The following KRT8 variants were observed in gnomAD, a reference collection of about 807,000 sequenced individuals.
KRT8 encodes keratin, type II cytoskeletal 8.
Under a neutral mutation model 43.0 loss-of-function variants are expected in KRT8, and 24 were observed. That is an observed-to-expected ratio of 0.56 (90% CI 0.40 to 0.78). KRT8 has a LOEUF of 0.78. Among genes scored for constraint, KRT8 ranks in the 30% least tolerant of loss-of-function variants. The pLI is 0.00. For missense variants in KRT8, 492 were observed against 638.4 expected, an observed-to-expected ratio of 0.77 and a Z score of 2.47; for synonymous variants, 214 against 261.2, an observed-to-expected ratio of 0.82 and a Z score of 1.74.
At chr12:52,901,219 C>G in exon 3 of KRT8, 1 of 1,607,152 alleles carries the variant, frequency 6.2e-7, no homozygotes, top group Non-Finnish European at 8.5e-7. Context: ...CATCCTCATA[C>G]CTGTGAGGAA....
rs1174152176 is a variant in KRT8, at chr12:52,918,204, A to AGAAGAAGAAGAG, written c.-46-13178_-46-13177insCTCTTCTTCTTC. ...AGGAAGAAGAAGAAGAAGAAGAAGA[A>AGAAGAAGAAGAG]CAAGAAGAAGAAGAAGAAGAAGAAG... On this transcript the variant is annotated intron_variant, in intron 2 of 6. Transcript: ENST00000546826. 1.0e-4 allele frequency among the ~76,000 whole-genome samples: 12 copies of AGAAGAAGAAGAG among 116,924 alleles called. 1 individual carries two copies. In the South Asian group the frequency reaches 1.8e-3, roughly 18 times the overall value. The allele number at this position is 116,924 out of a possible 152,430, so 76.7% of individuals were successfully genotyped here.
chr12:52,904,890 G>A (rs1413919473), exon 1 of KRT8: 3 of 1,612,752 alleles, frequency 1.9e-6, no homozygotes, highest in East Asian at 4.5e-5. Context: ...GCTGATGCGG[G>A]AACCGGGCCC....
intron 2 of KRT8, among the ~76,000 whole-genome samples, chr12:52,940,093 T>A (rs1287242789): frequency 6.6e-6 from 1 of 151,742 alleles, no homozygotes; most frequent in African/African-American, 2.4e-5. Context: ...ATAACATAGA[T>A]GAATCACAGA....
chr12:52,914,528 A>T (rs1482991378), intron 2 of KRT8, among the ~76,000 whole-genome samples: 1 of 152,040 alleles, frequency 6.6e-6, no homozygotes, highest in Admixed American at 6.6e-5. Flanking sequence ...CAACAGTGAA[A>T]CTCCGTCTCA....
rs536631581 is a variant in KRT8, at chr12:52,938,077, T to G, written c.-47+11379A>C. Reference sequence around the variant, plus strand: ...CACATGAAAAGATGCCCAATATCATTAGTCATTAGGAAAATACACATTAAA... The same window carrying G: ...CACATGAAAAGATGCCCAATATCATGAGTCATTAGGAAAATACACATTAAA... On this transcript the variant is annotated intron_variant, in intron 2 of 6. Coordinates refer to the KRT8 transcript ENST00000546826. 1.7e-4 allele frequency among the ~76,000 whole-genome samples: 23 copies of G among 137,850 alleles called. No homozygotes were observed. In the South Asian group the frequency reaches 5.2e-3, roughly 31 times the overall value. 90.4% of individuals were successfully genotyped at this position (137,850 alleles called of 152,430 possible).
At chr12:52,904,848 TTGC>T in exon 1 of KRT8, 1 of 1,612,656 alleles carries the variant, frequency 6.2e-7, no homozygotes. Flanking sequence ...ACCGCGAAAG[TTGC>T]TGCTGCCCAC....
chr12:52,899,748 C>A (rs924159344), intron 5 of KRT8, 27 bp downstream of exon 5: 1 of 1,601,178 alleles, frequency 6.2e-7, no homozygotes, highest in Non-Finnish European at 8.5e-7. Context: ...TCCAAGGAAC[C>A]CCTCCCACCC....
chr12:52,933,135 G>A (rs1211055351), intron 2 of KRT8, among the ~76,000 whole-genome samples: 3 of 151,944 alleles, frequency 2.0e-5, no homozygotes, highest in African/African-American at 4.8e-5. Flanking sequence ...CAGTAGAGAC[G>A]GGGTTTCACC....
intron 3 of KRT8, 112 bp from the exon 4 acceptor site, chr12:52,900,795 T>G: frequency 1.3e-6 from 1 of 750,660 alleles, no homozygotes; most frequent in South Asian, 1.4e-5. Context: ...GTTGCCCACT[T>G]TGTGGATTGA....
At chr12:52,920,111 T>C (rs1326676576) in intron 2 of KRT8, among the ~76,000 whole-genome samples, 2 of 152,232 alleles carry the variant, frequency 1.3e-5, no homozygotes, top group Admixed American at 6.5e-5. Context: ...TTATGCTGTT[T>C]TATAGTCAGG....
chr12:52,922,035 T>C (rs77846788), intron 2 of KRT8, among the ~76,000 whole-genome samples: 3,574 of 151,576 alleles, frequency 0.024, 73 homozygotes, highest in Admixed American at 0.051. Flanking sequence ...GTTCTAATTA[T>C]CCAGGCAGAG....
intron 2 of KRT8, among the ~76,000 whole-genome samples, chr12:52,932,323 G>A (rs140653116): frequency 0.016 from 2,505 of 151,878 alleles, 62 homozygotes; most frequent in African/African-American, 0.055. Context: ...TCCTGACCTC[G>A]TGATCCACCC....
At chr12:52,926,129 G>A (rs1941985114) in intron 2 of KRT8, among the ~76,000 whole-genome samples, 1 of 151,816 alleles carries the variant, frequency 6.6e-6, no homozygotes, top group South Asian at 2.1e-4. Context: ...CTGTCCCTCT[G>A]CCTGGTGTGT....
chr12:52,909,779 A>G (rs1941595394), upstream of KRT8, among the ~76,000 whole-genome samples: 1 of 152,218 alleles, frequency 6.6e-6, no homozygotes, highest in Non-Finnish European at 1.5e-5. Flanking sequence ...TTACGCACTG[A>G]AGATGAAAAT....
chr12:52,946,022 G>A (rs115025860), intron 2 of KRT8, among the ~76,000 whole-genome samples: 1,905 of 152,264 alleles, frequency 0.013, 39 homozygotes, highest in African/African-American at 0.044. Context: ...GGCTGGTGCT[G>A]GAAGCCCGAG....
chr12:52,943,563 C>A (rs1046715553), intron 2 of KRT8, among the ~76,000 whole-genome samples: 3 of 152,238 alleles, frequency 2.0e-5, no homozygotes, highest in Non-Finnish European at 4.4e-5. Flanking sequence ...GGCCACCTCA[C>A]CCACAACTGG....
chr12:52,924,626 T>C (rs1941954224), intron 2 of KRT8, among the ~76,000 whole-genome samples: 1 of 152,096 alleles, frequency 6.6e-6, no homozygotes, highest in Middle Eastern at 3.2e-3. Context: ...AAATAAATTA[T>C]ATGATGATAA....
At chr12:52,935,809 A>G (rs942900070) in intron 2 of KRT8, among the ~76,000 whole-genome samples, 4 of 152,118 alleles carry the variant, frequency 2.6e-5, no homozygotes, top group African/African-American at 7.2e-5. Context: ...TGCCCAGCCC[A>G]TAATGGAATT....
chr12:52,925,527 C>T (rs1941972678), intron 2 of KRT8, among the ~76,000 whole-genome samples: 1 of 152,158 alleles, frequency 6.6e-6, no homozygotes, highest in Admixed American at 6.5e-5. Flanking sequence ...GGCCTTGCCC[C>T]ATTGATACCT....
Sources: gnomAD v4.1 joint callset for allele counts (sites outside exome capture counted in the v4.1 genomes callset) on GRCh38, gnomAD v4.1.1 for gene constraint, MANE v1.5 for transcripts, NCBI Gene and HGNC (gene_info 2026-07-23, HGNC 2026-07-21) for gene names.